ACSS3: variants seen among roughly 807,000 people sequenced by gnomAD.
ACSS3 encodes acyl-CoA synthetase short-chain family member 3, mitochondrial.
A neutral mutation model predicts 84.2 loss-of-function variants in ACSS3; 64 were observed. The ratio of observed to expected loss-of-function variants is 0.76; its 90% confidence interval spans 0.62 to 0.94. The LOEUF (loss-of-function observed/expected upper bound fraction) is 0.94. Ranked by LOEUF, ACSS3 falls within the 40% of genes least tolerant of loss-of-function variation. The probability of loss-of-function intolerance (pLI) is 0.00; values close to 1 mark genes in which losing one functional copy is unlikely to be tolerated. For synonymous variants in ACSS3, 317 were observed against 310.1 expected, an observed-to-expected ratio of 1.02 and a Z score of -0.23; for missense variants, 815 against 867.6, an observed-to-expected ratio of 0.94 and a Z score of 0.76.
intron 5 of ACSS3, among the ~76,000 whole-genome samples, chr12:81,151,009 A>G (rs1036934648): frequency 1.3e-5 from 2 of 152,154 alleles, no homozygotes; most frequent in African/African-American, 4.8e-5. Flanking sequence ...TCACTCAGTT[A>G]TGTCTTATTG....
At chr12:81,199,497 T>G (rs2032001983) in intron 9 of ACSS3, 53 bp downstream of exon 9, 1 of 1,561,476 alleles carries the variant, frequency 6.4e-7, no homozygotes, top group South Asian at 1.1e-5. Context: ...TCCAAAAAGC[T>G]GCAAGGATTG....
Position 81,206,395 on chromosome 12 carries a change from G to A in ACSS3, c.1354+6951G>A, listed in dbSNP as rs142911570. On this transcript the variant is annotated intron_variant, in intron 9 of 15. Coordinates refer to ENST00000548058, the MANE Select transcript of ACSS3 (RefSeq NM_024560.4). ...CTAGGCTACTTTCAAATAGTAAAAT[G>A]CAAATAATCTTTCAGTAATATGAAT... Among the ~76,000 whole-genome samples the A allele has an allele frequency of 2.3e-3, 352 of 152,182 alleles. 2 individuals are homozygous for A. The highest frequency in any genetic ancestry group is 7.9e-3 in the African/African-American group (330 of 41,556).
chr12:81,213,840 T>TCTC (rs2032745546), intron 9 of ACSS3, among the ~76,000 whole-genome samples: 3 of 25,928 alleles, frequency 1.2e-4, no homozygotes, highest in African/African-American at 2.8e-4. Context: ...TCTCTTCTCT[T>TCTC]CTCTCCTCTC....
chr12:81,225,219 G>T (rs2033233241), intron 11 of ACSS3, among the ~76,000 whole-genome samples: 1 of 151,506 alleles, frequency 6.6e-6, no homozygotes, highest in Non-Finnish European at 1.5e-5. Context: ...TTCCAATTAT[G>T]AATCCTTTTT....
intron 2 of ACSS3, among the ~76,000 whole-genome samples, chr12:81,127,608 A>G (rs182562532): frequency 6.6e-6 from 1 of 152,284 alleles, no homozygotes; most frequent in African/African-American, 2.4e-5. Context: ...AGATATTATA[A>G]TTGGTTTTTA....
intron 2 of ACSS3, among the ~76,000 whole-genome samples, chr12:81,126,155 T>C (rs1266664246): frequency 6.6e-6 from 1 of 152,234 alleles, no homozygotes; most frequent in Non-Finnish European, 1.5e-5. Flanking sequence ...TCATCCTGAA[T>C]GTTTTCTCTC....
chr12:81,172,258 T>TAAAAAAAAAA (rs2030116121), intron 7 of ACSS3, among the ~76,000 whole-genome samples: 3 of 12,268 alleles, frequency 2.4e-4, no homozygotes, highest in Admixed American at 9.6e-4. Context: ...AGGCTCTGTC[T>TAAAAAAAAAA]CAAAAAAAAA....
At chr12:81,200,889 C>CAAAAAA (rs35916130) in intron 9 of ACSS3, among the ~76,000 whole-genome samples, 3 of 56,416 alleles carry the variant, frequency 5.3e-5, no homozygotes, top group African/African-American at 1.3e-4. Context: ...GCAAGACTGT[C>CAAAAAA]AAAAAAAAAA....
chr12:81,185,086 A>T (rs1021168645), intron 8 of ACSS3, among the ~76,000 whole-genome samples: 2 of 151,870 alleles, frequency 1.3e-5, no homozygotes, highest in Non-Finnish European at 3.0e-5. Flanking sequence ...ACATAAATCT[A>T]TCAGTGTGAT....
chr12:81,178,273 A>G (rs1221178065), intron 8 of ACSS3, among the ~76,000 whole-genome samples: 3 of 146,298 alleles, frequency 2.1e-5, no homozygotes, highest in Non-Finnish European at 4.5e-5. Flanking sequence ...ATGAGAACAC[A>G]TGGACACAGG....
chr12:81,184,571 C>A (rs894333964), intron 8 of ACSS3, among the ~76,000 whole-genome samples: 5 of 151,330 alleles, frequency 3.3e-5, no homozygotes, highest in African/African-American at 9.7e-5. Flanking sequence ...TAAATAAAAT[C>A]AAAAATAAAA....
At chr12:81,215,471 G>A (rs565681585) in intron 9 of ACSS3, among the ~76,000 whole-genome samples, 85 of 152,262 alleles carry the variant, frequency 5.6e-4, no homozygotes, top group Non-Finnish European at 1.1e-3. Flanking sequence ...GAACTACTCT[G>A]GAAGGTAAAG....
At chr12:81,210,486 G>A (rs7981023) in intron 9 of ACSS3, among the ~76,000 whole-genome samples, 6,533 of 151,928 alleles carry the variant, frequency 0.043, 256 homozygotes, top group African/African-American at 0.092. Flanking sequence ...TTCCACAATA[G>A]TATAGCAAAA....
At chr12:81,148,902 A>T (rs1886476942) in intron 5 of ACSS3, among the ~76,000 whole-genome samples, 1 of 149,164 alleles carries the variant, frequency 6.7e-6, no homozygotes, top group African/African-American at 2.5e-5. Context: ...TCTACTAAAA[A>T]AAAAAAAAAA....
In ACSS3 at chr12:81,110,716, C is replaced by T. The variant is rs116427621; in HGVS notation, c.456+1012C>T. ...ATGCTGGTAACACAACCCCACCTCC[C>T]TGAGTTGTGACGTCTGCGCACATAG... On this transcript the variant is annotated intron_variant, in intron 2 of 15. Transcript: ENST00000548058. Among the ~76,000 whole-genome samples the T allele has an allele frequency of 4.4e-3, 669 of 152,280 alleles. 4 individuals carry two copies. The highest frequency in any genetic ancestry group is 0.015 in the African/African-American group (636 of 41,552).
intron 13 of ACSS3, among the ~76,000 whole-genome samples, chr12:81,240,852 A>G (rs1200194230): frequency 6.6e-6 from 1 of 151,880 alleles, no homozygotes; most frequent in African/African-American, 2.4e-5. Flanking sequence ...TTTTTTTATT[A>G]TACTTTAAGT....
At chr12:81,147,596 T>G (rs1406469787) in intron 5 of ACSS3, among the ~76,000 whole-genome samples, 1 of 152,084 alleles carries the variant, frequency 6.6e-6, no homozygotes, top group Middle Eastern at 3.2e-3. Context: ...AGAGGTGGTA[T>G]TTTTGCAATG....
At chr12:81,222,430 A>T (rs1191094230) in intron 11 of ACSS3, among the ~76,000 whole-genome samples, 1 of 152,100 alleles carries the variant, frequency 6.6e-6, no homozygotes, top group African/African-American at 2.4e-5. Flanking sequence ...CCTTTTATCT[A>T]TAAGAGCAAG....
chr12:81,079,449 A>T (rs1008471844), intron 1 of ACSS3, among the ~76,000 whole-genome samples: 1 of 152,176 alleles, frequency 6.6e-6, no homozygotes, highest in Non-Finnish European at 1.5e-5. Flanking sequence ...TCAGGTTTGC[A>T]GTGGACGAAT....
Sources: allele counts gnomAD v4.1 joint callset (sites outside exome capture counted in the v4.1 genomes callset), GRCh38; gene constraint gnomAD v4.1.1; transcripts MANE v1.5; gene names NCBI Gene and HGNC (gene_info 2026-07-23, HGNC 2026-07-21).